Variants in PIWIL4 observed in about 807,000 individuals in gnomAD.
The protein encoded by PIWIL4 is piwi-like protein 4.
PIWIL4 carries 50 observed loss-of-function variants against 100.9 expected under a neutral mutation model. The observed-to-expected ratio is 0.50, with a 90% CI of 0.39 to 0.63. The LOEUF is 0.63. PIWIL4 is among the 20% of genes least tolerant of loss of function. PIWIL4 has a pLI of 0.00. For missense variants in PIWIL4, 887 were observed against 1,043.3 expected (o/e 0.85, Z 2.06); for synonymous variants, 342 against 367.5 (o/e 0.93, Z 0.79).
intron 2 of PIWIL4, among the ~76,000 whole-genome samples, chr11:94,572,063 C>G (rs1217701867): frequency 6.6e-6 from 1 of 152,130 alleles, no homozygotes; most frequent in Non-Finnish European, 1.5e-5. Flanking sequence ...TTTTCATGTG[C>G]CTGTTGGCTG....
chr11:94,612,484 T>A (rs1948798509), intron 15 of PIWIL4, among the ~76,000 whole-genome samples: 1 of 152,158 alleles, frequency 6.6e-6, no homozygotes, highest in South Asian at 2.1e-4. Flanking sequence ...TTAGGTTTTC[T>A]TTTTTATCCA....
intron 5 of PIWIL4, among the ~76,000 whole-genome samples, chr11:94,584,623 A>C (rs1258565571): frequency 6.6e-6 from 1 of 152,184 alleles, no homozygotes; most frequent in Non-Finnish European, 1.5e-5. Context: ...AGGCTCAGTG[A>C]CATTTGGCAG....
intron 1 of PIWIL4, chr11:94,567,902 C>T: frequency 3.5e-6 from 3 of 857,910 alleles, no homozygotes; most frequent in Non-Finnish European, 4.3e-6. Context: ...TTTTAAATTG[C>T]CTTGTAAAAA....
intron 15 of PIWIL4, among the ~76,000 whole-genome samples, chr11:94,610,795 G>A (rs964002016): frequency 1.3e-5 from 2 of 151,776 alleles, no homozygotes; most frequent in Admixed American, 1.3e-4. Flanking sequence ...TATTTCCTTT[G>A]CTATGCAGAA....
chr11:94,578,991 T>G (rs1258204334), intron 4 of PIWIL4, among the ~76,000 whole-genome samples: 1 of 152,240 alleles, frequency 6.6e-6, no homozygotes, highest in Non-Finnish European at 1.5e-5. Context: ...TTCTTAATTA[T>G]GAAGCTGGTG....
chr11:94,605,100 G>C (rs1948697806), intron 13 of PIWIL4, among the ~76,000 whole-genome samples: 1 of 152,128 alleles, frequency 6.6e-6, no homozygotes, highest in African/African-American at 2.4e-5. Flanking sequence ...ATGCCCCAGT[G>C]CCCTTGACTA....
At chr11:94,600,778 C>T (rs1420604901) in intron 11 of PIWIL4, among the ~76,000 whole-genome samples, 1 of 152,032 alleles carries the variant, frequency 6.6e-6, no homozygotes, top group Non-Finnish European at 1.5e-5. Flanking sequence ...CCCAGGGGGG[C>T]CAGTTCAGAG....
intron 4 of PIWIL4, among the ~76,000 whole-genome samples, chr11:94,578,641 C>T (rs112126712): frequency 1.2e-3 from 185 of 152,290 alleles, no homozygotes; most frequent in Non-Finnish European, 1.7e-3. Flanking sequence ...ACCCAAGTAT[C>T]GCCAAAATTT....
intron 8 of PIWIL4, 142 bp from the exon 9 acceptor site, chr11:94,593,376 G>T: frequency 1.4e-6 from 1 of 714,936 alleles, no homozygotes; most frequent in Non-Finnish European, 2.1e-6. Flanking sequence ...GTCCTGGGAA[G>T]AAAGTAGCAA....
intron 11 of PIWIL4, among the ~76,000 whole-genome samples, chr11:94,600,694 A>G (rs1454680330): frequency 1.3e-5 from 2 of 152,110 alleles, no homozygotes; most frequent in Non-Finnish European, 2.9e-5. Flanking sequence ...CCTCTTCCTA[A>G]TAAGCCTAGG....
intron 15 of PIWIL4, among the ~76,000 whole-genome samples, chr11:94,608,912 C>G (rs1362728571): frequency 6.6e-6 from 1 of 152,182 alleles, no homozygotes; most frequent in Non-Finnish European, 1.5e-5. Context: ...TGAGCTATTG[C>G]TCATCTTCCC....
At chr11:94,603,466 A>G (rs1218665987) in intron 12 of PIWIL4, among the ~76,000 whole-genome samples, 1 of 152,256 alleles carries the variant, frequency 6.6e-6, no homozygotes, top group African/African-American at 2.4e-5. Flanking sequence ...GATTAAGGCT[A>G]GACATTCCAG....
intron 15 of PIWIL4, among the ~76,000 whole-genome samples, chr11:94,612,493 C>A (rs1948798607): frequency 1.3e-5 from 2 of 151,932 alleles, no homozygotes; most frequent in South Asian, 4.1e-4. Context: ...CTTTTTTATC[C>A]ATTTAGCTAC....
chr11:94,616,759 A>G (rs79939348), intron 16 of PIWIL4, among the ~76,000 whole-genome samples, 196 bp downstream of exon 16: 1 of 152,298 alleles, frequency 6.6e-6, no homozygotes, highest in African/African-American at 2.4e-5. Flanking sequence ...TTACATTTAC[A>G]TTTGTCTGTG....
In PIWIL4 at chr11:94,568,811, A is replaced by C. The variant is rs1475222809; in HGVS notation, c.166+3A>C. The stretch of plus-strand genomic sequence containing the variant: ...AACAAGCAGGATCTCAACCAACGGT[A>C]AGTGCAGCTCAGCCTGTTCATTTAG... On this transcript the variant is annotated splice_donor_region_variant and intron_variant, in intron 2 of 19. Transcript: ENST00000299001. 1 of 1,591,260 alleles carries C rather than the reference A, an allele frequency of 6.3e-7. No individual in the cohort carries two copies. Among genetic ancestry groups the C allele is most frequent in the East Asian group, 2.2e-5 (1 of 44,780 alleles).
intron 6 of PIWIL4, 40 bp downstream of exon 6, chr11:94,585,565 T>A: frequency 1.4e-6 from 2 of 1,444,688 alleles, no homozygotes; most frequent in Non-Finnish European, 1.9e-6. Context: ...GAAATTATTA[T>A]AATGTGAGCA....
chr11:94,588,776 A>T (rs1305005060), intron 7 of PIWIL4, among the ~76,000 whole-genome samples: 1 of 152,190 alleles, frequency 6.6e-6, no homozygotes, highest in East Asian at 1.9e-4. Context: ...TGACACCAGA[A>T]GATAATGGGA....
At chr11:94,586,972 A>C (rs1948409295) in intron 6 of PIWIL4, 78 bp from the exon 7 acceptor site, 2 of 1,265,836 alleles carry the variant, frequency 1.6e-6, no homozygotes, top group African/African-American at 3.0e-5. Flanking sequence ...TAGAACAGAA[A>C]ATCACCATTT....
At chr11:94,617,429 T>C (rs1948859169) in intron 16 of PIWIL4, among the ~76,000 whole-genome samples, 1 of 152,238 alleles carries the variant, frequency 6.6e-6, no homozygotes, top group South Asian at 2.1e-4. Context: ...AGGAAATTCA[T>C]AGTTACAGTG....
Sources: gnomAD v4.1 joint callset for allele counts (sites outside exome capture counted in the v4.1 genomes callset) on GRCh38, gnomAD v4.1.1 for gene constraint, MANE v1.5 for transcripts, NCBI Gene and HGNC (gene_info 2026-07-23, HGNC 2026-07-21) for gene names.